The following CSMD1 variants were observed in gnomAD, a reference collection of about 807,000 sequenced individuals.
The protein encoded by CSMD1 is CUB and sushi domain-containing protein 1.
A neutral mutation model predicts 417.5 loss-of-function variants in CSMD1; 213 were observed. That is an observed-to-expected ratio of 0.51 (90% CI 0.46 to 0.57). The LOEUF (loss-of-function observed/expected upper bound fraction) is 0.57. Among genes scored for constraint, CSMD1 ranks in the 20% least tolerant of loss-of-function variants. CSMD1 has a pLI of 0.00. For synonymous variants in CSMD1, 2,862 were observed against 1,736.8 expected, an observed-to-expected ratio of 1.65 and a Z score of -16.11; for missense variants, 6,923 against 4,529.7, an observed-to-expected ratio of 1.53 and a Z score of -15.17.
At chr8:4,241,959 T>G (rs969061991) in intron 3 of CSMD1, among the ~76,000 whole-genome samples, 1 of 152,206 alleles carries the variant, frequency 6.6e-6, no homozygotes, top group African/African-American at 2.4e-5. Context: ...CAGTATAAGT[T>G]TTCAAACGGA....
chr8:3,149,754 A>T (rs1819078484), intron 40 of CSMD1, among the ~76,000 whole-genome samples: 1 of 152,140 alleles, frequency 6.6e-6, no homozygotes, highest in Admixed American at 6.5e-5. Context: ...GAATTATTAT[A>T]ATTAACCCTC....
At chr8:4,803,936 G>A (rs927995567) in intron 1 of CSMD1, among the ~76,000 whole-genome samples, 2 of 152,070 alleles carry the variant, frequency 1.3e-5, no homozygotes, top group African/African-American at 2.4e-5. Context: ...TAAATACGAT[G>A]GGCATTCATG....
intron 1 of CSMD1, among the ~76,000 whole-genome samples, chr8:4,765,510 T>G (rs1014422402): frequency 7.9e-5 from 12 of 152,230 alleles, no homozygotes; most frequent in African/African-American, 2.7e-4. Context: ...AAAATTATAC[T>G]GCTGGGAAGG....
At chr8:4,887,248 A>C (rs1388866626) in intron 1 of CSMD1, among the ~76,000 whole-genome samples, 2 of 152,072 alleles carry the variant, frequency 1.3e-5, no homozygotes, top group Non-Finnish European at 2.9e-5. Flanking sequence ...ATTTAGTTGT[A>C]TGCTGTTTAA....
In CSMD1 at chr8:3,311,730, G is replaced by C. The variant is rs1055408667; in HGVS notation, c.3632-3227C>G. Among the ~76,000 whole-genome samples the C allele has an allele frequency of 2.6e-5, 4 of 152,242 alleles. No homozygotes were observed. The East Asian group carries it at 7.7e-4, about 29-fold the overall frequency. ...TTGTAAGTGAACCATCATAAGTTGT[G>C]GGCTGTGTTCATTTTGACAATAAAT... On this transcript the variant is annotated intron_variant, in intron 23 of 69. Coordinates refer to ENST00000635120, the MANE Select transcript of CSMD1 (RefSeq NM_033225.6).
At chr8:4,730,059 C>G (rs1464557070) in intron 1 of CSMD1, among the ~76,000 whole-genome samples, 3 of 152,002 alleles carry the variant, frequency 2.0e-5, no homozygotes, top group Admixed American at 2.0e-4. Context: ...CTCAGAATGG[C>G]CAGAGAACAA....
At chr8:4,134,271 A>C (rs945249655) in intron 3 of CSMD1, among the ~76,000 whole-genome samples, 1 of 152,182 alleles carries the variant, frequency 6.6e-6, no homozygotes, top group Non-Finnish European at 1.5e-5. Flanking sequence ...TTGCCACAAA[A>C]TGTGACTGTA....
intron 1 of CSMD1, chr8:4,788,415 C>T (rs1316343708): frequency 5.2e-6 from 7 of 1,338,552 alleles, no homozygotes; most frequent in Non-Finnish European, 7.5e-6. Flanking sequence ...TCTTTGACTA[C>T]CCAGGGTCTT....
intron 3 of CSMD1, among the ~76,000 whole-genome samples, chr8:4,383,641 C>A (rs536487243): frequency 6.4e-4 from 97 of 152,234 alleles, no homozygotes; most frequent in African/African-American, 2.3e-3. Flanking sequence ...CAACTATGTA[C>A]TTCAGTGTTC....
chr8:4,536,664 T>C (rs948028171), intron 2 of CSMD1, among the ~76,000 whole-genome samples: 2 of 152,198 alleles, frequency 1.3e-5, no homozygotes, highest in Non-Finnish European at 2.9e-5. Flanking sequence ...TTGTACTTTG[T>C]TATTTATTTA....
chr8:4,715,930 A>C (rs1584987721), intron 1 of CSMD1, among the ~76,000 whole-genome samples: 1 of 152,274 alleles, frequency 6.6e-6, no homozygotes, highest in East Asian at 1.9e-4. Flanking sequence ...AATAGCTAAA[A>C]TTGTCTTGTA....
At chr8:4,128,510 A>T (rs1394045762) in intron 3 of CSMD1, among the ~76,000 whole-genome samples, 2 of 152,116 alleles carry the variant, frequency 1.3e-5, no homozygotes, top group African/African-American at 4.8e-5. Flanking sequence ...AAACAAACAC[A>T]TTGCTTACTC....
At chr8:4,099,878 G>A (rs914229979) in intron 3 of CSMD1, among the ~76,000 whole-genome samples, 1 of 152,016 alleles carries the variant, frequency 6.6e-6, no homozygotes, top group East Asian at 1.9e-4. Context: ...AGTTTTAGTT[G>A]TACTGGGAAC....
intron 12 of CSMD1, among the ~76,000 whole-genome samples, chr8:3,464,315 A>G (rs1016681282): frequency 1.3e-5 from 2 of 152,158 alleles, no homozygotes; most frequent in African/African-American, 4.8e-5. Flanking sequence ...ATTGCTTATA[A>G]AAATATCCAG....
At chr8:3,810,641 T>C (rs886367521) in intron 5 of CSMD1, among the ~76,000 whole-genome samples, 2 of 152,208 alleles carry the variant, frequency 1.3e-5, no homozygotes, top group Admixed American at 6.5e-5. Context: ...CTGGAGTCTT[T>C]AGTTTATAAA....
chr8:3,450,728 G>A (rs905733492), intron 12 of CSMD1, among the ~76,000 whole-genome samples: 1 of 151,982 alleles, frequency 6.6e-6, no homozygotes. Flanking sequence ...TGGACATTTG[G>A]GTTGGTTCCA....
intron 8 of CSMD1, among the ~76,000 whole-genome samples, chr8:3,612,001 T>G (rs1584959739): frequency 6.6e-6 from 1 of 152,156 alleles, no homozygotes; most frequent in Non-Finnish European, 1.5e-5. Context: ...TTGAAAAGAT[T>G]TTTAAAATAC....
Position 3,872,656 on chromosome 8 carries a change from T to A in CSMD1, c.819-118614A>T, listed in dbSNP as rs148915337. ...ATTTTCTCTTAATTTATTAATGAGT[T>A]TATTTCCTGAGCCCTTCATTCATGA... On this transcript the variant is annotated intron_variant, in intron 5 of 69. Coordinates refer to ENST00000635120, the MANE Select transcript of CSMD1 (RefSeq NM_033225.6). 8.5e-4 allele frequency among the ~76,000 whole-genome samples: 130 copies of A among 152,288 alleles called. 2 individuals are homozygous for A. The East Asian group carries it at 0.023, about 27-fold the overall frequency.
In CSMD1 at chr8:4,935,538, C is replaced by A. The variant is rs371421180; in HGVS notation, c.85+58794G>T. Among the ~76,000 whole-genome samples the A allele has an allele frequency of 4.6e-5, 7 of 152,330 alleles. 1 individual carries two copies. The highest frequency in any genetic ancestry group is 1.7e-4 in the African/African-American group (7 of 41,570). On this transcript the variant is annotated intron_variant, in intron 1 of 69. Coordinates refer to ENST00000635120, the MANE Select transcript of CSMD1 (RefSeq NM_033225.6). The stretch of plus-strand genomic sequence containing the variant: ...AATGAACGAATGAATGAATACAACT[C>A]TATAAGGTTATACACTTTTTTCTGA...
Sources: gnomAD v4.1 joint callset for allele counts (sites outside exome capture counted in the v4.1 genomes callset) on GRCh38, gnomAD v4.1.1 for gene constraint, MANE v1.5 for transcripts, NCBI Gene and HGNC (gene_info 2026-07-23, HGNC 2026-07-21) for gene names.